The following CAPN13 variants were observed in gnomAD, a reference collection of about 807,000 sequenced individuals.
CAPN13 encodes calpain 13, also known as calpain-13.
A neutral mutation model predicts 98.4 loss-of-function variants in CAPN13; 90 were observed. The ratio of observed to expected loss-of-function variants is 0.92; its 90% CI spans 0.77 to 1.09. The LOEUF is 1.09. Ranked by LOEUF, CAPN13 falls within the 50% of genes least tolerant of loss-of-function variation. CAPN13 has a pLI of 0.00. For synonymous variants in CAPN13, 330 were observed against 305.5 expected, an observed-to-expected ratio of 1.08 and a Z score of -0.84; for missense variants, 887 against 841.3, an observed-to-expected ratio of 1.05 and a Z score of -0.67.
intron 2 of CAPN13, among the ~76,000 whole-genome samples, chr2:30,782,675 C>T (rs568611012): frequency 1.3e-4 from 20 of 152,292 alleles, no homozygotes; most frequent in East Asian, 7.7e-4. Context: ...GAAGCCACAA[C>T]GGGGCTGTGC....
chr2:30,763,045 C>T (rs780929119), intron 7 of CAPN13, 37 bp downstream of exon 7: 2 of 1,550,876 alleles, frequency 1.3e-6, no homozygotes, highest in Non-Finnish European at 8.8e-7. Context: ...GGGGCAGAGG[C>T]CAGGGGAGAG....
rs775737792 is a variant in CAPN13, at chr2:30,776,056, A to T, written c.272-11T>A. On this transcript the variant is annotated splice_polypyrimidine_tract_variant and intron_variant, in intron 3 of 22. Transcript: ENST00000295055. ...GGAACCAGCAGTCAGCTGTGAGGGG[A>T]GATAAGCCAGGAAAGGCTGATTGGA... 1.3e-6 allele frequency: 2 copies of T among 1,588,870 alleles called. No individual in the cohort carries two copies. Among genetic ancestry groups the T allele is most frequent in the Non-Finnish European group, 1.7e-6 (2 of 1,162,162 alleles).
At chr2:30,734,975 C>T (rs906414449) in intron 18 of CAPN13, among the ~76,000 whole-genome samples, 1 of 152,228 alleles carries the variant, frequency 6.6e-6, no homozygotes, top group African/African-American at 2.4e-5. Context: ...ACAGTGCCTA[C>T]CTCACAGGTT....
At chr2:30,741,758 C>T in intron 15 of CAPN13, 150 bp downstream of exon 15, 2 of 1,494,204 alleles carry the variant, frequency 1.3e-6, no homozygotes, top group African/African-American at 1.4e-5. Flanking sequence ...CACAGCAGTT[C>T]TGGAGACGAT....
chr2:30,743,755 G>A (rs543998035), intron 12 of CAPN13, 176 bp from the exon 13 acceptor site: 1 of 708,472 alleles, frequency 1.4e-6, no homozygotes, highest in East Asian at 2.7e-5. Context: ...TGTTTAGCCT[G>A]TCATTTCATC....
chr2:30,785,739 C>A (rs1674240086), intron 2 of CAPN13, among the ~76,000 whole-genome samples: 1 of 152,106 alleles, frequency 6.6e-6, no homozygotes, highest in African/African-American at 2.4e-5. Context: ...TTGCTCAGCA[C>A]CTTGTGAGAA....
At chr2:30,780,561 A>T (rs2148059293) in intron 2 of CAPN13, among the ~76,000 whole-genome samples, 1 of 138,372 alleles carries the variant, frequency 7.2e-6, no homozygotes, top group East Asian at 2.0e-4. Context: ...TTAAAAACAA[A>T]AATTTTAGCT....
chr2:30,738,690 C>T (rs1671504209), intron 15 of CAPN13, among the ~76,000 whole-genome samples: 1 of 152,166 alleles, frequency 6.6e-6, no homozygotes, highest in Admixed American at 6.5e-5. Flanking sequence ...TGTGGGTGAC[C>T]TTGCATTCCT....
chr2:30,740,433 G>A (rs906559152), intron 15 of CAPN13, among the ~76,000 whole-genome samples: 5 of 152,226 alleles, frequency 3.3e-5, no homozygotes, highest in African/African-American at 1.2e-4. Context: ...TGGTAGAAAA[G>A]ATCAGAAGAG....
rs577659600 is a variant in CAPN13 at position 30,790,012 on chromosome 2, G to A, written c.-32-2655C>T. ...CAGGCTGGGTGTCTGCTGCTGCGGA[G>A]GTGGGCTGTTCTGGGAGGAGACTCT... is the stretch of plus-strand genomic sequence containing the variant. On this transcript the variant is annotated intron_variant, in intron 1 of 22. Transcript: ENST00000295055. 3.9e-4 allele frequency among the ~76,000 whole-genome samples: 60 copies of A among 152,304 alleles called. 1 individual carries two copies. Among genetic ancestry groups the A allele is most frequent in the African/African-American group, 1.4e-3 (58 of 41,576 alleles).
At chr2:30,776,102 C>T (rs773569116) in intron 3 of CAPN13, 57 bp from the exon 4 acceptor site, 1 of 1,189,068 alleles carries the variant, frequency 8.4e-7, no homozygotes, top group South Asian at 1.4e-5. Context: ...AACCCTCCCC[C>T]ATAATTTCAA....
intron 11 of CAPN13, among the ~76,000 whole-genome samples, chr2:30,750,523 A>T (rs55634694): frequency 2.0e-5 from 3 of 152,164 alleles, no homozygotes; most frequent in Non-Finnish European, 4.4e-5. Context: ...GCCTCAGGGT[A>T]GCCAAGCAGA....
chr2:30,726,861 GTAA>G (rs1341098687), intron 22 of CAPN13, among the ~76,000 whole-genome samples: 3 of 152,116 alleles, frequency 2.0e-5, no homozygotes, highest in Non-Finnish European at 2.9e-5. Context: ...AAATTTATAT[GTAA>G]ATGCAAGGAA....
chr2:30,723,769 C>T (rs1173672828), intron 22 of CAPN13, among the ~76,000 whole-genome samples: 5 of 152,186 alleles, frequency 3.3e-5, no homozygotes, highest in African/African-American at 1.2e-4. Context: ...AGCTGCCCTA[C>T]CCATGGGGTA....
chr2:30,740,093 T>TG (rs1558615073), intron 15 of CAPN13, among the ~76,000 whole-genome samples: 2 of 21,472 alleles, frequency 9.3e-5, no homozygotes, highest in South Asian at 1.5e-3. Flanking sequence ...TTTTTTTTTT[T>TG]TTTTTTTTTT....
At chr2:30,738,918 TA>T (rs1250595838) in intron 15 of CAPN13, among the ~76,000 whole-genome samples, 1 of 152,042 alleles carries the variant, frequency 6.6e-6, no homozygotes, top group Non-Finnish European at 1.5e-5. Flanking sequence ...TGTGTGATAA[TA>T]GGAATTAAAA....
chr2:30,725,383 C>T (rs1467948733), intron 22 of CAPN13, among the ~76,000 whole-genome samples: 2 of 152,162 alleles, frequency 1.3e-5, no homozygotes, highest in East Asian at 3.8e-4. Context: ...ACCTATATCC[C>T]AATCTGCTAG....
chr2:30,754,377 A>G lies in CAPN13; in HGVS notation c.867-13T>C. 1 of 1,590,420 alleles carries G rather than the reference A, an allele frequency of 6.3e-7. No homozygotes were observed. The highest frequency in any genetic ancestry group is 8.5e-7 in the Non-Finnish European group (1 of 1,170,290). On this transcript the variant is annotated splice_polypyrimidine_tract_variant and intron_variant, in intron 8 of 22. Transcript: ENST00000295055. ...CCACTCCTGAGACCTGAGCATGGAC[A>G]CACAAACCACAGGGTGAGATTTTCC... is the stretch of plus-strand genomic sequence containing the variant.
chr2:30,760,048 C>A (rs1022406173), intron 7 of CAPN13, among the ~76,000 whole-genome samples: 1 of 152,114 alleles, frequency 6.6e-6, no homozygotes, highest in Admixed American at 6.5e-5. Flanking sequence ...GTCTGCCCTA[C>A]CCTAAGGCAC....
Sources: gnomAD v4.1 joint callset for allele counts (sites outside exome capture counted in the v4.1 genomes callset) on GRCh38, gnomAD v4.1.1 for gene constraint, MANE v1.5 for transcripts, NCBI Gene and HGNC (gene_info 2026-07-23, HGNC 2026-07-21) for gene names.